The following HECW1 variants were observed in gnomAD, a reference collection of about 807,000 sequenced individuals.
HECW1 encodes HECT, C2 and WW domain containing E3 ubiquitin protein ligase 1.
In HECW1, 61 loss-of-function variants were observed where a neutral mutation model predicts 182.3. The observed-to-expected ratio is 0.33, with a 90% CI of 0.27 to 0.41. The LOEUF is 0.41. HECW1 is among the 10% of genes least tolerant of loss of function. The pLI is 1.00. For missense variants in HECW1, 1,739 were observed against 2,108.9 expected, an observed-to-expected ratio of 0.82 and a Z score of 3.44; for synonymous variants, 859 against 832.6, an observed-to-expected ratio of 1.03 and a Z score of -0.55.
rs12673696 is a variant in HECW1 at position 43,372,747 on chromosome 7, C to G, written c.555+11767C>G. Among the ~76,000 whole-genome samples the G allele has an allele frequency of 5.3e-4, 80 of 151,962 alleles. 2 individuals are homozygous for G. In the East Asian group the frequency reaches 7.7e-3, roughly 15 times the overall value. ...TATTCCCTTTTCTCTCTTCTCATGACTGGTCTGGCTTTATCTAGATGCTCA... is the reference window on the plus strand; with the variant it reads ...TATTCCCTTTTCTCTCTTCTCATGAGTGGTCTGGCTTTATCTAGATGCTCA... On this transcript the variant is annotated intron_variant, in intron 6 of 29. Transcript: ENST00000395891.
chr7:43,267,198 A>C (rs1277515355), intron 3 of HECW1, among the ~76,000 whole-genome samples: 1 of 152,192 alleles, frequency 6.6e-6, no homozygotes, highest in Admixed American at 6.5e-5. Flanking sequence ...AGGATCTATA[A>C]AGCATCTATA....
intron 2 of HECW1, among the ~76,000 whole-genome samples, chr7:43,215,668 C>G (rs1253832012): frequency 2.0e-5 from 3 of 152,114 alleles, no homozygotes; most frequent in Non-Finnish European, 4.4e-5. Flanking sequence ...CTTTGAGGCC[C>G]TTGTATAATC....
chr7:43,188,405 G>T, intron 2 of HECW1, among the ~76,000 whole-genome samples: 1 of 151,606 alleles, frequency 6.6e-6, no homozygotes, highest in Admixed American at 6.6e-5. Context: ...CCAACACTAG[G>T]TTAGTGGTTA....
intron 2 of HECW1, among the ~76,000 whole-genome samples, chr7:43,213,439 A>T (rs936564231): frequency 2.2e-5 from 2 of 92,484 alleles, no homozygotes; most frequent in Non-Finnish European, 4.3e-5. Context: ...GATCATAAGA[A>T]TTTTTTTTTT....
chr7:43,233,350 A>G (rs1798044862), intron 2 of HECW1, among the ~76,000 whole-genome samples: 1 of 152,234 alleles, frequency 6.6e-6, no homozygotes, highest in African/African-American at 2.4e-5. Flanking sequence ...AGACAGTCGC[A>G]TATATCCAAG....
rs376519419 is a variant in HECW1 at position 43,442,676 on chromosome 7, AGT to A, written c.1045+51_1045+52del. 190 of 1,284,444 alleles carry A rather than the reference AGT, an allele frequency of 1.5e-4. No homozygotes were observed. In the East Asian group the frequency reaches 4.0e-3, roughly 27 times the overall value. 79.6% of individuals were successfully genotyped at this position (1,284,444 alleles called of 1,614,324 possible). ...TGTCTTGTCCTAGGCTAGTGTCATAAGTGTGGTTCCTTTTTCTAAAATACAAT... is the reference window on the plus strand; with the variant it reads ...TGTCTTGTCCTAGGCTAGTGTCATAAGTGGTTCCTTTTTCTAAAATACAAT... On this transcript the variant is annotated intron_variant, in intron 10 of 29. Transcript: ENST00000395891.
At chr7:43,434,346 G>A (rs1170323516) in intron 8 of HECW1, among the ~76,000 whole-genome samples, 1 of 152,238 alleles carries the variant, frequency 6.6e-6, no homozygotes, top group African/African-American at 2.4e-5. Context: ...AATGGAGAGG[G>A]AAGAAATTTG....
At chr7:43,170,762 C>T (rs1465125985) in intron 2 of HECW1, among the ~76,000 whole-genome samples, 1 of 152,104 alleles carries the variant, frequency 6.6e-6, no homozygotes, top group Non-Finnish European at 1.5e-5. Context: ...GCCAGCTATC[C>T]AGTGAGGGAT....
chr7:43,544,558 G>A (rs1029497063), intron 26 of HECW1, among the ~76,000 whole-genome samples: 1 of 150,816 alleles, frequency 6.6e-6, no homozygotes, highest in Non-Finnish European at 1.5e-5. Flanking sequence ...TGGTGATATC[G>A]GTTCATATTT....
intron 16 of HECW1, among the ~76,000 whole-genome samples, chr7:43,475,161 AGG>A (rs1308368966): frequency 6.6e-6 from 1 of 152,212 alleles, no homozygotes; most frequent in African/African-American, 2.4e-5. Context: ...ACAACAAAAA[AGG>A]AAAAGGGCCC....
chr7:43,160,258 T>G (rs768471972), intron 2 of HECW1, among the ~76,000 whole-genome samples: 48 of 152,250 alleles, frequency 3.2e-4, no homozygotes, highest in Admixed American at 2.0e-3. Flanking sequence ...ATTTTCAATA[T>G]TTCCCCCCAA....
At chr7:43,507,644 T>A (rs754464853) in intron 22 of HECW1, among the ~76,000 whole-genome samples, 14 of 152,226 alleles carry the variant, frequency 9.2e-5, no homozygotes, top group Non-Finnish European at 1.8e-4. Context: ...TCTTGGTAAC[T>A]TTGTAATTGA....
At chr7:43,433,337 C>T (rs1485399172) in intron 8 of HECW1, among the ~76,000 whole-genome samples, 1 of 152,174 alleles carries the variant, frequency 6.6e-6, no homozygotes, top group African/African-American at 2.4e-5. Flanking sequence ...TGGTTCTCCA[C>T]CCAGTTGCAC....
At chr7:43,338,977 G>C (rs1362114631) in intron 5 of HECW1, among the ~76,000 whole-genome samples, 1 of 152,124 alleles carries the variant, frequency 6.6e-6, no homozygotes, top group Non-Finnish European at 1.5e-5. Context: ...TCAAAGTTAG[G>C]TGTTTTTCTC....
At chr7:43,241,642 G>A (rs1343031341) in intron 2 of HECW1, among the ~76,000 whole-genome samples, 5 of 151,078 alleles carry the variant, frequency 3.3e-5, no homozygotes, top group South Asian at 2.1e-4. Context: ...GTGTGTGTGT[G>A]TGTGTGTGTG....
At chr7:43,227,856 G>A (rs1257954462) in intron 2 of HECW1, among the ~76,000 whole-genome samples, 6 of 152,116 alleles carry the variant, frequency 3.9e-5, no homozygotes, top group Non-Finnish European at 7.3e-5. Context: ...AGTAAATTCT[G>A]GCACACAGAA....
intron 8 of HECW1, among the ~76,000 whole-genome samples, chr7:43,427,552 A>G (rs1396360537): frequency 1.3e-5 from 2 of 152,210 alleles, no homozygotes; most frequent in Non-Finnish European, 2.9e-5. Flanking sequence ...AATTTAGACT[A>G]CTGCGTTAGG....
intron 2 of HECW1, among the ~76,000 whole-genome samples, chr7:43,242,356 G>C (rs1798967457): frequency 6.6e-6 from 1 of 152,164 alleles, no homozygotes; most frequent in Non-Finnish European, 1.5e-5. Flanking sequence ...ATGAATTCTA[G>C]AACCGTTAGG....
chr7:43,156,909 T>TC (rs1368715781), intron 2 of HECW1, among the ~76,000 whole-genome samples: 1 of 152,160 alleles, frequency 6.6e-6, no homozygotes, highest in Non-Finnish European at 1.5e-5. Context: ...AAGCAGGCCT[T>TC]CCCTACCCAC....
Sources: gnomAD v4.1 joint callset for allele counts (sites outside exome capture counted in the v4.1 genomes callset) on GRCh38, gnomAD v4.1.1 for gene constraint, MANE v1.5 for transcripts, NCBI Gene and HGNC (gene_info 2026-07-23, HGNC 2026-07-21) for gene names.